The following FBXW9 variants were observed in gnomAD, a reference collection of about 807,000 sequenced individuals.
The protein encoded by FBXW9 is F-box and WD repeat domain containing 9.
In FBXW9, 38 loss-of-function variants were observed where a neutral mutation model predicts 55.8. The observed-to-expected ratio is 0.68, with a 90% CI of 0.53 to 0.89. The LOEUF is 0.89. FBXW9 is among the 40% of genes least tolerant of loss of function. The probability of loss-of-function intolerance (pLI) is 0.00; values close to 1 mark genes in which losing one functional copy is unlikely to be tolerated. For missense variants in FBXW9, 590 were observed against 619.4 expected (o/e 0.95, Z 0.50); for synonymous variants, 289 against 278.2 (o/e 1.04, Z -0.38).
chr19:12,690,050 G>A lies in FBXW9; in HGVS notation c.944C>T (p.Ala315Val), dbSNP rs200576861. Residue 315 changes from alanine (A) to valine (V), a missense_variant, in exon 6 of 10, where the codon GCG (alanine) becomes GTG (valine). Ala to Val is a moderately conservative substitution (Grantham distance 64). Coordinates refer to ENST00000393261, the MANE Select transcript of FBXW9 (RefSeq NM_032301.3). Reference protein sequence around the residue: ...LHSRPVLTLLADDRHIISGSE... With the variant: ...LHSRPVLTLLVDDRHIISGSE... ...GCCTGAGATGATGTGCCGGTCATCC[G>A]CCAGCAGGGTCAGCACGGGTCTGGA... 57 of 1,613,910 alleles carry A rather than the reference G, an allele frequency of 3.5e-5. No homozygotes were observed. The African/African-American group carries it at 3.9e-4, about 11-fold the overall frequency.
chr19:12,693,518 A>T (rs2025031180), intron 3 of FBXW9, among the ~76,000 whole-genome samples: 2 of 32,472 alleles, frequency 6.2e-5, no homozygotes, highest in African/African-American at 2.4e-4. Flanking sequence ...AAAAAAAAAA[A>T]AAAAAAAAAA....
intron 3 of FBXW9, among the ~76,000 whole-genome samples, chr19:12,692,830 A>G (rs1230281111): frequency 6.6e-6 from 1 of 152,166 alleles, no homozygotes; most frequent in Non-Finnish European, 1.5e-5. Flanking sequence ...ACCCTGGCCC[A>G]ATAACATTTC....
At chr19:12,693,501 GAAAAAAAAAAA>G (rs1214446276) in intron 3 of FBXW9, among the ~76,000 whole-genome samples, 55 of 2,118 alleles carry the variant, frequency 0.026, 1 homozygote, top group African/African-American at 0.047. Context: ...TCTACTAAAG[GAAAAAAAAAAA>G]AAAAAAAAAA....
intron 5 of FBXW9, among the ~76,000 whole-genome samples, chr19:12,690,626 AAAAG>A (rs1226689347): frequency 6.6e-6 from 1 of 152,132 alleles, no homozygotes; most frequent in Non-Finnish European, 1.5e-5. Context: ...CCATTTAAAA[AAAAG>A]AAAAATGGCC....
At chr19:12,696,076 G>T in intron 1 of FBXW9, 97 bp downstream of exon 1, 3 of 1,212,898 alleles carry the variant, frequency 2.5e-6, no homozygotes, top group Non-Finnish European at 3.3e-6. Flanking sequence ...TGCACCAGAG[G>T]CTGCATCCGG....
chr19:12,691,393 G>A lies in FBXW9; in HGVS notation c.740C>T (p.Thr247Ile). 1 of 1,612,214 alleles carries A rather than the reference G, an allele frequency of 6.2e-7. No individual in the cohort carries two copies. Among genetic ancestry groups the A allele is most frequent in the South Asian group, 1.1e-5 (1 of 90,746 alleles). The change falls in exon 4 of 10, where the codon ACA (threonine) becomes ATA (isoleucine). Residue 247 changes from threonine to isoleucine, a missense_variant. Transcript: ENST00000393261. Reference protein sequence around the residue: ...HRVCSGSWDSTVKLWDMAADG... With the variant: ...HRVCSGSWDSIVKLWDMAADG... ...CGCTGCCATGTCCCAGAGCTTCACT[G>A]TGCTGTCCCAGGAGCCGGAGCACAC...
chr19:12,691,058 GGTGA>G, intron 5 of FBXW9, 104 bp downstream of exon 5: 4 of 962,630 alleles, frequency 4.2e-6, no homozygotes, highest in South Asian at 4.1e-5. Context: ...CACTCTGAGT[GGTGA>G]GTATTTGGTT....
rs1279847038 is a variant in FBXW9 at position 12,693,559 on chromosome 19, TATACACACACACACACACACACACACAC to T, written c.678+1007_678+1034del. ...ATATATATATATATATATATATATA[TATACACACACACACACACACACACACAC>T]ACACACACACACACACACACAAAAG... On this transcript the variant is annotated intron_variant, in intron 3 of 9. Coordinates refer to ENST00000393261, the MANE Select transcript of FBXW9 (RefSeq NM_032301.3). Among the ~76,000 whole-genome samples the T allele has an allele frequency of 6.1e-3, 67 of 10,984 alleles. 4 individuals are homozygous for T. The highest frequency in any genetic ancestry group is 0.024 in the African/African-American group (63 of 2,634). The allele number at this position is 10,984 out of a possible 152,430, so 7.2% of individuals were successfully genotyped here.
At position 12,694,711 on chromosome 19, in the gene FBXW9, G is replaced by C. The variant is rs10416965; in HGVS notation, c.561C>G (p.Leu187=). 57,885 of 1,614,114 alleles carry C rather than the reference G, an allele frequency of 0.036. 8,637 individuals are homozygous for C. In the African/African-American group the frequency reaches 0.46, roughly 13 times the overall value. The part of the protein sequence containing the change: ...DSVLLLQGGS[L]CLSGSRDRNV... ...TGCGATCTCGGGAGCCCGACAGACA[G>C]AGTGACCCACCCTGGAAAGGGAGCA... Residue 187 remains leucine, a synonymous_variant, in exon 3 of 10, where the codon CTC becomes CTG. Transcript: ENST00000393261.
In FBXW9 at chr19:12,692,638, C is replaced by T. The variant is rs536524528; in HGVS notation, c.679-1184G>A. On this transcript the variant is annotated intron_variant, in intron 3 of 9. Coordinates refer to ENST00000393261, the MANE Select transcript of FBXW9 (RefSeq NM_032301.3). Reference sequence around the variant, plus strand: ...CCGGGTTCATGCCATTCTCCTGCCTCGGCCTCCCGAGTCGCTGGGACTACA... The same window carrying T: ...CCGGGTTCATGCCATTCTCCTGCCTTGGCCTCCCGAGTCGCTGGGACTACA... Among the ~76,000 whole-genome samples the T allele has an allele frequency of 1.2e-3, 183 of 152,194 alleles. 1 individual carries two copies. Among genetic ancestry groups the T allele is most frequent in the African/African-American group, 4.2e-3 (173 of 41,518 alleles).
chr19:12,690,358 A>G (rs2024991048), intron 5 of FBXW9, among the ~76,000 whole-genome samples: 1 of 152,120 alleles, frequency 6.6e-6, no homozygotes, highest in Non-Finnish European at 1.5e-5. Flanking sequence ...TACTGTTCTT[A>G]GCACAGAGCT....
rs1177954823 is a variant in FBXW9, at chr19:12,690,062, A to G, written c.932T>C (p.Leu311Pro). Residue 311 changes from leucine (L) to proline (P), a missense_variant, in exon 6 of 10, where the codon CTG (leucine) becomes CCG (proline). By Grantham distance (98) the Leu-to-Pro change is moderately conservative. Coordinates refer to ENST00000393261, the MANE Select transcript of FBXW9 (RefSeq NM_032301.3). ...GTGCCGGTCATCCGCCAGCAGGGTCAGCACGGGTCTGGAGTGTAGTTGCTG... is the reference window on the plus strand; with the variant it reads ...GTGCCGGTCATCCGCCAGCAGGGTCGGCACGGGTCTGGAGTGTAGTTGCTG... ...KHQQLHSRPV[L>P]TLLADDRHII... The G allele has an allele frequency of 1.2e-6, 2 of 1,614,086 alleles. No homozygotes were observed. The highest frequency in any genetic ancestry group is 1.7e-6 in the Non-Finnish European group (2 of 1,180,028).
At position 12,694,337 on chromosome 19, in the gene FBXW9, CAA is replaced by C. The variant is rs1314324715; in HGVS notation, c.678+255_678+256del. On this transcript the variant is annotated intron_variant, in intron 3 of 9. Coordinates refer to ENST00000393261, the MANE Select transcript of FBXW9 (RefSeq NM_032301.3). The stretch of plus-strand genomic sequence containing the variant: ...TGGGTGACAGAACGAGACTCCGTCT[CAA>C]AAAAAAAAAAAAAAAAAGCCTGAGC... 4.8e-3 allele frequency among the ~76,000 whole-genome samples: 290 copies of C among 60,594 alleles called. 3 individuals carry two copies. Among genetic ancestry groups the C allele is most frequent in the African/African-American group, 0.012 (262 of 21,336 alleles). 39.8% of individuals were successfully genotyped at this position (60,594 alleles called of 152,430 possible).
chr19:12,693,368 C>A (rs937523934), intron 3 of FBXW9, among the ~76,000 whole-genome samples: 1 of 151,134 alleles, frequency 6.6e-6, no homozygotes, highest in African/African-American at 2.4e-5. Context: ...TGTGTCAAAG[C>A]CTGAGCTTGG....
At chr19:12,695,429 CTA>C (rs1011719331) in intron 1 of FBXW9, among the ~76,000 whole-genome samples, 8 of 152,308 alleles carry the variant, frequency 5.3e-5, no homozygotes, top group Admixed American at 2.6e-4. Flanking sequence ...GTCCAAGCAT[CTA>C]TGTTTATTAA....
rs1386971104 is a variant in FBXW9, at chr19:12,689,262, GCCA to G, written c.1328_1330del (p.Val443del). ...CTCTAGCGACAGGTCTCCAGAGCCG[GCCA>G]CCACCAGGTTGCCCTCAGCACAGAC... On this transcript the variant is annotated inframe_deletion, in exon 10 of 10. Coordinates refer to ENST00000393261, the MANE Select transcript of FBXW9 (RefSeq NM_032301.3). This position sits in a 1 kb window ranked among gnomAD's most constrained non-coding sequence, Gnocchi z 5.9. 3 of 1,614,112 alleles carry G rather than the reference GCCA, an allele frequency of 1.9e-6. No individual in the cohort carries two copies. The highest frequency in any genetic ancestry group is 2.5e-6 in the Non-Finnish European group (3 of 1,180,032).
chr19:12,691,902 T>G lies in FBXW9; in HGVS notation c.679-448A>C, dbSNP rs567108591. 2.0e-5 allele frequency among the ~76,000 whole-genome samples: 3 copies of G among 151,998 alleles called. No individual in the cohort carries two copies. In the East Asian group the frequency reaches 5.8e-4, roughly 30 times the overall value. Reference sequence around the variant, plus strand: ...TCTCTAGTAGCTGGGATTACACGCTTGTGCCACCACGCCCGGCTAATTTTT... The same window carrying G: ...TCTCTAGTAGCTGGGATTACACGCTGGTGCCACCACGCCCGGCTAATTTTT... On this transcript the variant is annotated intron_variant, in intron 3 of 9. Transcript: ENST00000393261.
chr19:12,691,022 C>T (rs1256632898), intron 5 of FBXW9, 144 bp downstream of exon 5: 2 of 765,370 alleles, frequency 2.6e-6, no homozygotes, highest in Non-Finnish European at 4.5e-6. Flanking sequence ...GCCCAAGTTG[C>T]CTGTATTGTA....
intron 3 of FBXW9, among the ~76,000 whole-genome samples, chr19:12,692,718 T>C (rs1270395470): frequency 6.6e-6 from 1 of 151,230 alleles, no homozygotes; most frequent in Non-Finnish European, 1.5e-5. Flanking sequence ...AGAGTCAGGG[T>C]CTCCCATGTT....
Sources: gnomAD v4.1 joint callset for allele counts (sites outside exome capture counted in the v4.1 genomes callset) on GRCh38, gnomAD v4.1.1 for gene constraint, Gnocchi (gnomAD v3.1) non-coding constraint, MANE v1.5 for transcripts, NCBI Gene and HGNC (gene_info 2026-07-23, HGNC 2026-07-21) for gene names.